Variants in MRPL42 observed in about 807,000 individuals in gnomAD.
MRPL42 encodes the protein mitochondrial ribosomal protein L42.
A neutral mutation model predicts 17.9 loss-of-function variants in MRPL42; 17 were observed. The observed-to-expected ratio is 0.95, with a 90% CI of 0.65 to 1.42. The LOEUF is 1.42. Ranked by LOEUF, MRPL42 falls within the 40% of genes most tolerant of loss-of-function variation. The probability of loss-of-function intolerance (pLI) is 0.00; values close to 1 mark genes in which losing one functional copy is unlikely to be tolerated. For synonymous variants in MRPL42, 59 were observed against 54.4 expected (o/e 1.08, Z -0.37); for missense variants, 177 against 175.2 (o/e 1.01, Z -0.06).
intron 4 of MRPL42, among the ~76,000 whole-genome samples, chr12:93,485,157 T>C (rs1247256400): frequency 2.1e-5 from 3 of 145,350 alleles, no homozygotes; most frequent in South Asian, 2.3e-4. Flanking sequence ...GTGGCCCACA[T>C]TGCCTTTTTT....
In MRPL42 at chr12:93,470,535, G is replaced by A. The variant is rs769392861; in HGVS notation, c.70+1180G>A. ...GTTACGTGGATGTATTACATATACT[G>A]AGGTTTGGGCTTCAACTGAACCCGT... On this transcript the variant is annotated intron_variant, in intron 2 of 5. Coordinates refer to ENST00000549982, the MANE Select transcript of MRPL42 (RefSeq NM_014050.4). 1.7e-4 allele frequency: 223 copies of A among 1,295,236 alleles called. 1 individual carries two copies. The highest frequency in any genetic ancestry group is 2.0e-4 in the Non-Finnish European group (201 of 982,536). The allele number at this position is 1,295,236 out of a possible 1,614,324, so 80.2% of individuals were successfully genotyped here.
chr12:93,507,459 T>A lies in MRPL42; in HGVS notation c.*6238T>A, dbSNP rs989128793. ...GGATTTAATAACTTGCTTATAAGTGTTTAAAATGACTTAATGGGTTCTATC... is the reference window on the plus strand; with the variant it reads ...GGATTTAATAACTTGCTTATAAGTGATTAAAATGACTTAATGGGTTCTATC... On this transcript the variant is annotated 3_prime_UTR_variant, in exon 6 of 6. Coordinates refer to ENST00000549982, the MANE Select transcript of MRPL42 (RefSeq NM_014050.4). 3 of 152,244 alleles carry A rather than the reference T, an allele frequency of 2.0e-5. No individual in the cohort carries two copies. Among genetic ancestry groups the A allele is most frequent in the Admixed American group, 2.0e-4 (3 of 15,274 alleles). 9.4% of individuals were successfully genotyped at this position (152,244 alleles called of 1,614,324 possible).
intron 5 of MRPL42, among the ~76,000 whole-genome samples, chr12:93,492,060 A>C (rs374157033): frequency 2.5e-4 from 38 of 152,312 alleles, no homozygotes; most frequent in African/African-American, 8.4e-4. Context: ...TGCTGTTGTG[A>C]GTAGTGCTAC....
Position 93,507,053 on chromosome 12 carries a change from T to A in MRPL42, c.*5832T>A, listed in dbSNP as rs1953678829. 6.6e-6 allele frequency: 1 copy of A among 152,218 alleles called. No homozygotes were observed. Among genetic ancestry groups the A allele is most frequent in the African/African-American group, 2.4e-5 (1 of 41,456 alleles). The allele number at this position is 152,218 out of a possible 1,614,324, so 9.4% of individuals were successfully genotyped here. On this transcript the variant is annotated 3_prime_UTR_variant, in exon 6 of 6. Transcript: ENST00000549982. ...ATGTCTTTTTTAAACATTAAGGACA[T>A]CTTATATGTATATTTATGCATATAC...
chr12:93,506,852 T>C lies in MRPL42; in HGVS notation c.*5631T>C, dbSNP rs1003475247. The stretch of plus-strand genomic sequence containing the variant: ...CATGGTTAAGTGTGGCAATTTGGAT[T>C]GATCCCATTGGACTTTTCAATTGCT... On this transcript the variant is annotated 3_prime_UTR_variant, in exon 6 of 6. Coordinates refer to ENST00000549982, the MANE Select transcript of MRPL42 (RefSeq NM_014050.4). The C allele has an allele frequency of 6.6e-6, 1 of 152,216 alleles. No individual in the cohort carries two copies. Among genetic ancestry groups the C allele is most frequent in the Non-Finnish European group, 1.5e-5 (1 of 68,042 alleles). The allele number at this position is 152,216 out of a possible 1,614,324, so 9.4% of individuals were successfully genotyped here.
chr12:93,502,530 A>G lies in MRPL42; in HGVS notation c.*1309A>G, dbSNP rs1953610841. 2 of 152,202 alleles carry G rather than the reference A, an allele frequency of 1.3e-5. No individual in the cohort carries two copies. The highest frequency in any genetic ancestry group is 4.8e-5 in the African/African-American group (2 of 41,454). The allele number at this position is 152,202 out of a possible 1,614,324, so 9.4% of individuals were successfully genotyped here. Reference sequence around the variant, plus strand: ...GTGGCCAGTGAAGTGTGAGGAATAGAGAGTAAAGGAAATAATTAATAATGG... The same window carrying G: ...GTGGCCAGTGAAGTGTGAGGAATAGGGAGTAAAGGAAATAATTAATAATGG... On this transcript the variant is annotated 3_prime_UTR_variant, in exon 6 of 6. Transcript: ENST00000549982.
rs61454992 is a variant in MRPL42 at position 93,486,187 on chromosome 12, A to G, written c.220-1310A>G. ...CTATTACTGGTGGAATATGTTGTAT[A>G]TCATTCATGTGTGTTGAGGAGATAA... On this transcript the variant is annotated intron_variant, in intron 4 of 5. Transcript: ENST00000549982. Among the ~76,000 whole-genome samples the G allele has an allele frequency of 3.8e-3, 581 of 152,258 alleles. 6 individuals carry two copies. The highest frequency in any genetic ancestry group is 0.014 in the African/African-American group (561 of 41,550).
chr12:93,490,764 A>G (rs757054785), intron 5 of MRPL42, among the ~76,000 whole-genome samples: 2 of 152,232 alleles, frequency 1.3e-5, no homozygotes, highest in African/African-American at 2.4e-5. Flanking sequence ...TTTACTAAAT[A>G]TTTCACAGTT....
chr12:93,475,883 A>T (rs1485444559), intron 2 of MRPL42, among the ~76,000 whole-genome samples: 2 of 151,992 alleles, frequency 1.3e-5, no homozygotes, highest in African/African-American at 4.8e-5. Flanking sequence ...TGGGAGGCTG[A>T]GGCAGGAGAA....
chr12:93,512,447 T>G lies in MRPL42; in HGVS notation c.*11226T>G, dbSNP rs182986199. On this transcript the variant is annotated 3_prime_UTR_variant, in exon 6 of 6. Coordinates refer to ENST00000549982, the MANE Select transcript of MRPL42 (RefSeq NM_014050.4). ...AGCCTGGATAAAAAGAGTGAAACTC[T>G]GCCTCAAAATAAAATAATAAAATGA... is the stretch of plus-strand genomic sequence containing the variant. 183 of 152,350 alleles carry G rather than the reference T, an allele frequency of 1.2e-3. No individual in the cohort carries two copies. Among genetic ancestry groups the G allele is most frequent in the African/African-American group, 4.2e-3 (173 of 41,580 alleles). The allele number at this position is 152,350 out of a possible 1,614,324, so 9.4% of individuals were successfully genotyped here.
intron 4 of MRPL42, among the ~76,000 whole-genome samples, chr12:93,480,278 G>C (rs939597045): frequency 4.0e-5 from 6 of 150,170 alleles, no homozygotes; most frequent in Admixed American, 4.0e-4. Context: ...CTGCCACCAC[G>C]CCCGGCTAAT....
At position 93,510,750 on chromosome 12, in the gene MRPL42, T is replaced by C. The variant is rs1045713736; in HGVS notation, c.*9529T>C. Reference sequence around the variant, plus strand: ...CCCTGATAATATGTGATATGGAACATCTATTTACTCATTATTTTTTCTTCT... The same window carrying C: ...CCCTGATAATATGTGATATGGAACACCTATTTACTCATTATTTTTTCTTCT... On this transcript the variant is annotated 3_prime_UTR_variant, in exon 6 of 6. Transcript: ENST00000549982. The C allele has an allele frequency of 5.3e-5, 8 of 152,260 alleles. No homozygotes were observed. The highest frequency in any genetic ancestry group is 4.6e-4 in the Admixed American group (7 of 15,286). 9.4% of individuals were successfully genotyped at this position (152,260 alleles called of 1,614,324 possible).
In MRPL42 at chr12:93,509,092, G is replaced by C; in HGVS notation, c.*7871G>C. ...AATCCTAGCTACTCAGGAGGCTGAG[G>C]CAGGAGAATCCCTTGAACCCAGGAG... On this transcript the variant is annotated 3_prime_UTR_variant, in exon 6 of 6. Coordinates refer to ENST00000549982, the MANE Select transcript of MRPL42 (RefSeq NM_014050.4). 6.7e-6 allele frequency: 1 copy of C among 149,902 alleles called. No individual in the cohort carries two copies. The highest frequency in any genetic ancestry group is 2.0e-4 in the East Asian group (1 of 5,038). 9.3% of individuals were successfully genotyped at this position (149,902 alleles called of 1,614,324 possible).
At chr12:93,469,498 C>T (rs1350262386) in intron 2 of MRPL42, 143 bp downstream of exon 2, 10 of 622,388 alleles carry the variant, frequency 1.6e-5, no homozygotes, top group Non-Finnish European at 2.2e-5. Context: ...AAATGTCAGT[C>T]AGAAGGGGAA....
intron 5 of MRPL42, among the ~76,000 whole-genome samples, chr12:93,500,173 T>G (rs531046943): frequency 6.6e-6 from 1 of 152,354 alleles, no homozygotes; most frequent in East Asian, 1.9e-4. Flanking sequence ...TTTTACATGG[T>G]TATCATCATA....
chr12:93,471,773 C>T (rs58312803), intron 2 of MRPL42, among the ~76,000 whole-genome samples: 6,099 of 152,178 alleles, frequency 0.04, 367 homozygotes, highest in African/African-American at 0.13. Flanking sequence ...TGGATATAAA[C>T]CAAAATAAGT....
chr12:93,492,752 A>G (rs1051596862), intron 5 of MRPL42, among the ~76,000 whole-genome samples: 4 of 152,374 alleles, frequency 2.6e-5, no homozygotes, highest in Non-Finnish European at 5.9e-5. Context: ...GAACAAAGTC[A>G]AGTTCTAAAA....
In MRPL42 at chr12:93,502,964, A is replaced by G. The variant is rs1009316258; in HGVS notation, c.*1743A>G. 1 of 142,608 alleles carries G rather than the reference A, an allele frequency of 7.0e-6. No individual in the cohort carries two copies. Among genetic ancestry groups the G allele is most frequent in the African/African-American group, 2.6e-5 (1 of 38,386 alleles). 8.8% of individuals were successfully genotyped at this position (142,608 alleles called of 1,614,324 possible). ...TGCTTTTCATGGGTTGCTGATTTTT[A>G]ATTTTGCTAAATAAGCACATAGTCC... On this transcript the variant is annotated 3_prime_UTR_variant, in exon 6 of 6. Coordinates refer to ENST00000549982, the MANE Select transcript of MRPL42 (RefSeq NM_014050.4).
rs1953628612 is a variant in MRPL42 at position 93,503,571 on chromosome 12, A to G, written c.*2350A>G. ...AATTGTTTTAATTTTTTTTATAGAG[A>G]CGGGGTTTCGCCATGTTGCCCAGGC... On this transcript the variant is annotated 3_prime_UTR_variant, in exon 6 of 6. Transcript: ENST00000549982. 6.6e-6 allele frequency: 1 copy of G among 151,726 alleles called. No homozygotes were observed. Among genetic ancestry groups the G allele is most frequent in the Non-Finnish European group, 1.5e-5 (1 of 67,982 alleles). 9.4% of individuals were successfully genotyped at this position (151,726 alleles called of 1,614,324 possible). A position where few individuals can be genotyped will look rare whatever the true frequency, so the allele number is the denominator to read the frequency against.
Sources: allele counts gnomAD v4.1 joint callset (sites outside exome capture counted in the v4.1 genomes callset), GRCh38; gene constraint gnomAD v4.1.1; transcripts MANE v1.5; gene names NCBI Gene and HGNC (gene_info 2026-07-23, HGNC 2026-07-21).